Variants in MACROD2 observed in about 807,000 individuals in gnomAD.
The protein encoded by MACROD2 is ADP-ribose glycohydrolase MACROD2.
MACROD2 carries 36 observed loss-of-function variants against 70.4 expected under a neutral mutation model. The ratio of observed to expected loss-of-function variants is 0.51; its 90% CI spans 0.39 to 0.68. MACROD2 has a LOEUF of 0.68. Ranked by LOEUF, MACROD2 falls within the 30% of genes least tolerant of loss-of-function variation. MACROD2 has a pLI of 0.00. For missense variants in MACROD2, 496 were observed against 538.4 expected, an observed-to-expected ratio of 0.92 and a Z score of 0.78; for synonymous variants, 172 against 178.8, an observed-to-expected ratio of 0.96 and a Z score of 0.30.
intron 5 of MACROD2, among the ~76,000 whole-genome samples, chr20:14,972,185 C>T (rs6043039): frequency 6.6e-6 from 1 of 152,202 alleles, no homozygotes; most frequent in Non-Finnish European, 1.5e-5. Flanking sequence ...GGTAGAACTG[C>T]CATAGTGCTC....
At chr20:15,462,663 G>A (rs879912523) in intron 7 of MACROD2, among the ~76,000 whole-genome samples, 3 of 152,182 alleles carry the variant, frequency 2.0e-5, no homozygotes, top group Admixed American at 2.0e-4. Context: ...TGATTTGAAA[G>A]CCCAGTGCTT....
intron 3 of MACROD2, among the ~76,000 whole-genome samples, chr20:14,087,802 G>T (rs1415118933): frequency 6.6e-6 from 1 of 151,940 alleles, no homozygotes; most frequent in Non-Finnish European, 1.5e-5. Flanking sequence ...TAATGTATAT[G>T]CCCTAAATTC....
rs947661881 is a variant in MACROD2, at chr20:15,078,969, A to T, written c.419-150971A>T. Among the ~76,000 whole-genome samples, 5 of 152,078 alleles carry T rather than the reference A, an allele frequency of 3.3e-5. 1 individual carries two copies. The highest frequency in any genetic ancestry group is 1.2e-4 in the African/African-American group (5 of 41,432). ...CCTCTTCCTTCACTTTCTTACAGTGAGGCCTGGCTGTCTCCAAAGGATTTG... is the reference window on the plus strand; with the variant it reads ...CCTCTTCCTTCACTTTCTTACAGTGTGGCCTGGCTGTCTCCAAAGGATTTG... On this transcript the variant is annotated intron_variant, in intron 5 of 17. Coordinates refer to ENST00000684519, the MANE Select transcript of MACROD2 (RefSeq NM_001351661.2).
In MACROD2 at chr20:15,844,777, A is replaced by G. The variant is rs117678723; in HGVS notation, c.646-17968A>G. On this transcript the variant is annotated intron_variant, in intron 8 of 17. Transcript: ENST00000684519. ...TTATTGAGTGTCGGCTCTATATTTG[A>G]TACACAATGGCACATAAAAGGATAA... Among the ~76,000 whole-genome samples, 346 of 152,242 alleles carry G rather than the reference A, an allele frequency of 2.3e-3. 1 individual carries two copies. Among genetic ancestry groups the G allele is most frequent in the Admixed American group, 4.6e-3 (71 of 15,270 alleles).
intron 4 of MACROD2, among the ~76,000 whole-genome samples, chr20:14,663,519 TACAC>T (rs10606501): frequency 0.048 from 6,804 of 141,458 alleles, 167 homozygotes; most frequent in African/African-American, 0.05. Context: ...CAGGGATGTA[TACAC>T]ACACACACAC....
chr20:15,803,716 GCTTGTCCTTCTGATTA>G (rs1205416612), intron 8 of MACROD2, among the ~76,000 whole-genome samples: 1 of 152,128 alleles, frequency 6.6e-6, no homozygotes, highest in African/African-American at 2.4e-5. Context: ...CTCAGGGCCT[GCTTGTCCTTCTGATTA>G]CACCAGTCAT....
At chr20:15,529,052 C>A (rs2047760563) in intron 8 of MACROD2, among the ~76,000 whole-genome samples, 1 of 152,142 alleles carries the variant, frequency 6.6e-6, no homozygotes, top group East Asian at 1.9e-4. Flanking sequence ...ATGTAACATT[C>A]TCAAATTGGG....
chr20:15,922,178 A>G (rs953905430), intron 10 of MACROD2, among the ~76,000 whole-genome samples: 39 of 152,238 alleles, frequency 2.6e-4, no homozygotes, highest in Middle Eastern at 3.2e-3. Flanking sequence ...AGCTGTGGCT[A>G]CAATATCCAT....
intron 5 of MACROD2, among the ~76,000 whole-genome samples, chr20:14,718,744 G>T (rs940487830): frequency 7.3e-5 from 11 of 151,620 alleles, no homozygotes; most frequent in African/African-American, 2.7e-4. Context: ...TCATTGTTTG[G>T]AAACTTTTCC....
chr20:15,333,737 G>A (rs4813176), intron 6 of MACROD2, among the ~76,000 whole-genome samples: 59,100 of 151,164 alleles, frequency 0.39, 12,134 homozygotes, highest in East Asian at 0.61. Flanking sequence ...TGTATTATAT[G>A]GAGTATGACA....
chr20:15,016,213 A>T (rs1219256920), intron 5 of MACROD2, among the ~76,000 whole-genome samples: 2 of 152,188 alleles, frequency 1.3e-5, no homozygotes, highest in Non-Finnish European at 2.9e-5. Flanking sequence ...TACTTAGAGT[A>T]TTATAACAGT....
At chr20:14,470,621 C>T (rs1209677964) in intron 3 of MACROD2, among the ~76,000 whole-genome samples, 1 of 152,136 alleles carries the variant, frequency 6.6e-6, no homozygotes, top group African/African-American at 2.4e-5. Flanking sequence ...GATTCCCTGC[C>T]TAGGGTGGAG....
chr20:15,207,593 C>T (rs529122769), intron 5 of MACROD2, among the ~76,000 whole-genome samples: 20 of 151,868 alleles, frequency 1.3e-4, no homozygotes, highest in Non-Finnish European at 2.4e-4. Flanking sequence ...CAGGTGTGTG[C>T]CACCACGCCT....
At chr20:16,019,045 G>T (rs1228444698) in intron 15 of MACROD2, among the ~76,000 whole-genome samples, 1 of 152,048 alleles carries the variant, frequency 6.6e-6, no homozygotes, top group Non-Finnish European at 1.5e-5. Flanking sequence ...CTATTTCCAG[G>T]ATCACTGAGC....
At chr20:15,353,090 T>C (rs1268150277) in intron 6 of MACROD2, among the ~76,000 whole-genome samples, 2 of 152,166 alleles carry the variant, frequency 1.3e-5, no homozygotes, top group African/African-American at 2.4e-5. Flanking sequence ...TCACACTACC[T>C]GACTTCAAAC....
intron 15 of MACROD2, among the ~76,000 whole-genome samples, chr20:15,991,728 A>G (rs2066561664): frequency 6.6e-6 from 1 of 152,194 alleles, no homozygotes; most frequent in Non-Finnish European, 1.5e-5. Context: ...TATTAGCAGC[A>G]CAATCATTTA....
At chr20:15,151,615 A>G (rs888548161) in intron 5 of MACROD2, among the ~76,000 whole-genome samples, 53 of 152,104 alleles carry the variant, frequency 3.5e-4, no homozygotes, top group Non-Finnish European at 1.2e-4. Context: ...AGGGCTGTAA[A>G]GCATCTCAGA....
chr20:14,300,367 T>C (rs1186305964), intron 3 of MACROD2, among the ~76,000 whole-genome samples: 1 of 152,220 alleles, frequency 6.6e-6, no homozygotes, highest in Non-Finnish European at 1.5e-5. Context: ...AAAATAGATG[T>C]GTTTGACTCC....
chr20:14,275,742 G>A (rs2082247714), intron 3 of MACROD2, among the ~76,000 whole-genome samples: 1 of 151,994 alleles, frequency 6.6e-6, no homozygotes, highest in Admixed American at 6.6e-5. Flanking sequence ...TCTGACAAAG[G>A]GCTAATATCC....
Sources: gnomAD v4.1 joint callset for allele counts (sites outside exome capture counted in the v4.1 genomes callset) on GRCh38, gnomAD v4.1.1 for gene constraint, MANE v1.5 for transcripts, NCBI Gene and HGNC (gene_info 2026-07-23, HGNC 2026-07-21) for gene names.